ZNF84: variants seen among roughly 807,000 people sequenced by gnomAD.
ZNF84 encodes the protein zinc finger protein HPF2.
A neutral mutation model predicts 14.8 loss-of-function variants in ZNF84; 12 were observed. The ratio of observed to expected loss-of-function variants is 0.81; its 90% CI spans 0.52 to 1.31. ZNF84 has a LOEUF of 1.31. Among genes scored for constraint, ZNF84 ranks in the 50% most tolerant of loss-of-function variants. The pLI, the probability that ZNF84 is intolerant of heterozygous loss-of-function variation, is 0.00. For synonymous variants in ZNF84, 347 were observed against 291.1 expected (o/e 1.19, Z -1.96); for missense variants, 859 against 878.6 (o/e 0.98, Z 0.28).
At chr12:133,056,859 C>T (rs1954168364) in intron 4 of ZNF84, 95 bp from the exon 5 acceptor site, 9 of 1,068,714 alleles carry the variant, frequency 8.4e-6, no homozygotes, top group Non-Finnish European at 8.0e-6. Flanking sequence ...GCCTTAAAAG[C>T]AGCCAACCCC....
chr12:133,061,940 A>T lies in ZNF84; in HGVS notation c.*3008A>T, dbSNP rs1324797324. The stretch of plus-strand genomic sequence containing the variant: ...ATGTGTTTTTGAAATTACCTTGTAA[A>T]CCACAAATCTGTGTCTCTGCATTGC... On this transcript the variant is annotated 3_prime_UTR_variant, in exon 5 of 5. Transcript: ENST00000539354. 1 of 152,034 alleles carries T rather than the reference A, an allele frequency of 6.6e-6. No individual in the cohort carries two copies. The highest frequency in any genetic ancestry group is 1.5e-5 in the Non-Finnish European group (1 of 68,044). 9.4% of individuals were successfully genotyped at this position (152,034 alleles called of 1,614,324 possible). A position where few individuals can be genotyped will look rare whatever the true frequency, so the allele number is the denominator to read the frequency against.
At chr12:133,056,835 G>T (rs1162556022) in intron 4 of ZNF84, 119 bp from the exon 5 acceptor site, 1 of 737,270 alleles carries the variant, frequency 1.4e-6, no homozygotes, top group South Asian at 2.2e-5. Context: ...ACTTATTTCA[G>T]ACTCGGAAAC....
chr12:133,039,525 C>G (rs1953849083), intron 1 of ZNF84, among the ~76,000 whole-genome samples: 1 of 152,184 alleles, frequency 6.6e-6, no homozygotes, highest in Non-Finnish European at 1.5e-5. Flanking sequence ...CACTCATTGT[C>G]CCAGTTTTCT....
chr12:133,056,900 T>G, intron 4 of ZNF84, 54 bp from the exon 5 acceptor site: 1 of 1,472,888 alleles, frequency 6.8e-7, no homozygotes. Context: ...TTGTTTTGTT[T>G]TGTTTTGTTT....
At chr12:133,051,078 T>C (rs1482605308) in intron 4 of ZNF84, among the ~76,000 whole-genome samples, 1 of 151,350 alleles carries the variant, frequency 6.6e-6, no homozygotes, top group Admixed American at 6.6e-5. Context: ...TGTGCCACCA[T>C]GCCTGTGTTT....
At chr12:133,050,091 G>A (rs1413550928) in intron 4 of ZNF84, among the ~76,000 whole-genome samples, 4 of 152,188 alleles carry the variant, frequency 2.6e-5, no homozygotes, top group African/African-American at 9.7e-5. Flanking sequence ...ATACTTATGT[G>A]AGTGTAAGAA....
At chr12:133,038,091 A>G (rs1368413862) in intron 1 of ZNF84, 1 of 152,000 alleles carries the variant, frequency 6.6e-6, no homozygotes, top group Non-Finnish European at 1.5e-5. Context: ...AATTATACAT[A>G]TATTCATTCA....
rs1327715540 is a variant in ZNF84, at chr12:133,061,203, A to G, written c.*2271A>G. ...ACTTCCTGGCTGGGCACAGTGGCTC[A>G]TGCCTGTAATCCCAGCACTTTGGGA... On this transcript the variant is annotated 3_prime_UTR_variant, in exon 5 of 5. Transcript: ENST00000539354. 3 of 152,236 alleles carry G rather than the reference A, an allele frequency of 2.0e-5. No homozygotes were observed. Among genetic ancestry groups the G allele is most frequent in the Admixed American group, 6.5e-5 (1 of 15,276 alleles). 9.4% of individuals were successfully genotyped at this position (152,236 alleles called of 1,614,324 possible). A position where few individuals can be genotyped will look rare whatever the true frequency, so the allele number is the denominator to read the frequency against.
intron 2 of ZNF84, among the ~76,000 whole-genome samples, chr12:133,046,347 GTTTTTTTTTTTTTT>G (rs58214468): frequency 2.4e-4 from 28 of 116,400 alleles, no homozygotes; most frequent in African/African-American, 9.7e-4. Context: ...AGTCCTCACA[GTTTTTTTTTTTTTT>G]TTTTTTTTTT....
At position 133,060,336 on chromosome 12, in the gene ZNF84, C is replaced by G. The variant is rs1471559602; in HGVS notation, c.*1404C>G. ...GTGCTGGAAAAACATTTTTGACATT[C>G]AAGGATGCCTATTTTATCTTCTAGC... On this transcript the variant is annotated 3_prime_UTR_variant, in exon 5 of 5. Transcript: ENST00000539354. 4 of 152,140 alleles carry G rather than the reference C, an allele frequency of 2.6e-5. No individual in the cohort carries two copies. The highest frequency in any genetic ancestry group is 2.6e-4 in the Admixed American group (4 of 15,280). 9.4% of individuals were successfully genotyped at this position (152,140 alleles called of 1,614,324 possible). A position where few individuals can be genotyped will look rare whatever the true frequency, so the allele number is the denominator to read the frequency against.
At position 133,057,983 on chromosome 12, in the gene ZNF84, G is replaced by A; in HGVS notation, c.1268G>A (p.Arg423Lys). The change falls in exon 5 of 5, where the codon AGA (arginine) becomes AAA (lysine). Residue 423 changes from arginine (R) to lysine (K), a missense_variant. By Grantham distance (26) the Arg-to-Lys change is conservative. Coordinates refer to ENST00000539354, the MANE Select transcript of ZNF84 (RefSeq NM_001289971.2). ...AGGTCGAGTCTCATTAATCATCAGA[G>A]AACACATACAGGAGAGAAACCTCAT... ...RERSSLINHQ[R>K]THTGEKPHGC... 1 of 1,613,868 alleles carries A rather than the reference G, an allele frequency of 6.2e-7. No homozygotes were observed. The highest frequency in any genetic ancestry group is 8.5e-7 in the Non-Finnish European group (1 of 1,179,986).
chr12:133,045,042 T>C (rs1209087344), intron 2 of ZNF84, among the ~76,000 whole-genome samples: 1 of 152,242 alleles, frequency 6.6e-6, no homozygotes, highest in Non-Finnish European at 1.5e-5. Context: ...GTATAATTCA[T>C]TGATTTTTAA....
intron 2 of ZNF84, among the ~76,000 whole-genome samples, chr12:133,042,808 T>C (rs7958199): frequency 0.46 from 69,983 of 152,110 alleles, 16,888 homozygotes; most frequent in African/African-American, 0.6. Flanking sequence ...CAGAAAAGTA[T>C]GTTTTAAAAA....
Position 133,041,297 on chromosome 12 carries a change from A to G in ZNF84, c.-171A>G, listed in dbSNP as rs1217346625. On this transcript the variant is annotated 5_prime_UTR_variant, in exon 2 of 5. Coordinates refer to ENST00000539354, the MANE Select transcript of ZNF84 (RefSeq NM_001289971.2). ...CCGAAGTCCACAGATCCTGGTCCCT[A>G]CAAATAAGCCTGCTCATGTGAGATA... is the stretch of plus-strand genomic sequence containing the variant. 10 of 647,446 alleles carry G rather than the reference A, an allele frequency of 1.5e-5. No individual in the cohort carries two copies. The highest frequency in any genetic ancestry group is 2.5e-5 in the Non-Finnish European group (9 of 365,328). 40.1% of individuals were successfully genotyped at this position (647,446 alleles called of 1,614,324 possible).
intron 3 of ZNF84, 114 bp downstream of exon 3, chr12:133,048,195 T>G: frequency 9.8e-7 from 1 of 1,022,218 alleles, no homozygotes; most frequent in Non-Finnish European, 1.4e-6. Context: ...TTTAATGATT[T>G]TAGACCTGAA....
chr12:133,058,856 T>A lies in ZNF84; in HGVS notation c.2141T>A (p.Ile714Asn). ...IHTGEKPYRC[I>N]ECGKAFSQKS... ...ACAGGAGAGAAGCCTTATCGATGCA[T>A]TGAATGTGGGAAAGCTTTCTCACAG... is the stretch of plus-strand genomic sequence containing the variant. Residue 714 changes from isoleucine (I) to asparagine (N), a missense_variant, in exon 5 of 5, where the codon ATT (isoleucine) becomes AAT (asparagine). Ile to Asn is a moderately radical substitution (Grantham distance 149, BLOSUM62 -3). Coordinates refer to ENST00000539354, the MANE Select transcript of ZNF84 (RefSeq NM_001289971.2). 1 of 1,611,890 alleles carries A rather than the reference T, an allele frequency of 6.2e-7. No homozygotes were observed.
rs1175867688 is a variant in ZNF84, at chr12:133,057,120, G to T, written c.405G>T (p.Leu135Phe). The change falls in exon 5 of 5, where the codon TTG becomes TTT. Residue 135 changes from leucine to phenylalanine, a missense_variant. Physicochemically the swap from Leu to Phe is conservative, Grantham distance 22 (BLOSUM62 0). Transcript: ENST00000539354. ...KSNSEGDLDG[L>F]ILKHHLDLLI... is the part of the protein sequence containing the mutation. ...ACAGTGAAGGTGACTTAGATGGATT[G>T]ATTTTAAAACATCATTTAGATTTGC... 9.3e-6 allele frequency: 15 copies of T among 1,612,506 alleles called. No individual in the cohort carries two copies. Among genetic ancestry groups the T allele is most frequent in the Non-Finnish European group, 1.2e-5 (14 of 1,179,678 alleles).
chr12:133,037,880 C>T (rs1335302028), intron 1 of ZNF84: 2 of 152,258 alleles, frequency 1.3e-5, no homozygotes, highest in African/African-American at 2.4e-5. Context: ...GCGCCGTGGC[C>T]CTAAGGAGCG....
In ZNF84 at chr12:133,059,960, A is replaced by G. The variant is rs1409064832; in HGVS notation, c.*1028A>G. 4 of 152,338 alleles carry G rather than the reference A, an allele frequency of 2.6e-5. No individual in the cohort carries two copies. Among genetic ancestry groups the G allele is most frequent in the African/African-American group, 7.2e-5 (3 of 41,580 alleles). The allele number at this position is 152,338 out of a possible 1,614,324, so 9.4% of individuals were successfully genotyped here. A position where few individuals can be genotyped will look rare whatever the true frequency, so the allele number is the denominator to read the frequency against. On this transcript the variant is annotated 3_prime_UTR_variant, in exon 5 of 5. Coordinates refer to ENST00000539354, the MANE Select transcript of ZNF84 (RefSeq NM_001289971.2). ...AGAGTCTGAGTAACAGTTTATATAA[A>G]ATAAATATGCAAAGGCAGGAACCAC...
Sources: gnomAD v4.1 joint callset for allele counts (sites outside exome capture counted in the v4.1 genomes callset) on GRCh38, gnomAD v4.1.1 for gene constraint, MANE v1.5 for transcripts, NCBI Gene and HGNC (gene_info 2026-07-23, HGNC 2026-07-21) for gene names.